The following MGAT5B variants were observed in gnomAD, a reference collection of about 807,000 sequenced individuals.
The protein encoded by MGAT5B is alpha-1,6-mannosylglycoprotein 6-beta-N-acetylglucosaminyltransferase B.
A neutral mutation model predicts 95.1 loss-of-function variants in MGAT5B; 54 were observed. That is an observed-to-expected ratio of 0.57 (90% CI 0.46 to 0.71). MGAT5B has a LOEUF of 0.71. Among genes scored for constraint, MGAT5B ranks in the 30% least tolerant of loss-of-function variants. The pLI, the probability that MGAT5B is intolerant of heterozygous loss-of-function variation, is 0.00. For missense variants in MGAT5B, 935 were observed against 1,088.6 expected (o/e 0.86, Z 1.99); for synonymous variants, 464 against 451.0 (o/e 1.03, Z -0.36).
Position 76,940,522 on chromosome 17 carries a change from TTC to T in MGAT5B, c.1706_1707del (p.Phe569SerfsTer37). ...PPHSSLNHEF[F>X]RGKPTSREVF... ...CCACAGCTCCCTCAACCACGAGTTC[TTC>T]CGAGGCAAGCCCACCTCCAGAGAGG... On this transcript the variant is annotated frameshift_variant, in exon 14 of 18. Coordinates refer to ENST00000569840, the MANE Select transcript of MGAT5B (RefSeq NM_001199172.2). LOFTEE classifies it high-confidence loss of function. This position sits in a 1 kb window ranked among gnomAD's most constrained non-coding sequence, Gnocchi z 4.3. 1 of 1,613,286 alleles carries T rather than the reference TTC, an allele frequency of 6.2e-7. No homozygotes were observed. The highest frequency in any genetic ancestry group is 8.5e-7 in the Non-Finnish European group (1 of 1,179,532).
intron 3 of MGAT5B, among the ~76,000 whole-genome samples, chr17:76,900,151 C>G (rs1432171849): frequency 6.6e-6 from 1 of 152,134 alleles, no homozygotes; most frequent in African/African-American, 2.4e-5. Flanking sequence ...TCATAGGGGT[C>G]TGAGCTTCCT....
chr17:76,907,555 C>G (rs1227981620), intron 8 of MGAT5B, among the ~76,000 whole-genome samples: 1 of 152,196 alleles, frequency 6.6e-6, no homozygotes, highest in Non-Finnish European at 1.5e-5. Context: ...CATTCATTTT[C>G]ACTGCTATAT....
intron 3 of MGAT5B, among the ~76,000 whole-genome samples, chr17:76,884,690 G>A (rs895361733): frequency 6.7e-6 from 1 of 150,050 alleles, no homozygotes; most frequent in Non-Finnish European, 1.5e-5. Context: ...TGCAAGCTCT[G>A]CCTCCCGGGT....
At chr17:76,888,563 C>G (rs567145921) in intron 3 of MGAT5B, among the ~76,000 whole-genome samples, 1 of 152,268 alleles carries the variant, frequency 6.6e-6, no homozygotes, top group East Asian at 1.9e-4. Flanking sequence ...TAATTGAATG[C>G]AACTCTCGTA....
intron 3 of MGAT5B, among the ~76,000 whole-genome samples, chr17:76,885,813 C>A (rs536665929): frequency 1.3e-5 from 2 of 152,194 alleles, no homozygotes; most frequent in Non-Finnish European, 2.9e-5. Context: ...CTGCCCCCTC[C>A]GCACCCTGAA....
chr17:76,877,687 A>G (rs932289254), intron 2 of MGAT5B, among the ~76,000 whole-genome samples: 8 of 152,192 alleles, frequency 5.3e-5, no homozygotes, highest in African/African-American at 1.4e-4. Context: ...GTGAGCGAGT[A>G]CAGAGAGATA....
In MGAT5B at chr17:76,909,500, G is replaced by A. The variant is rs72887762; in HGVS notation, c.1025+3313G>A. ...AGCCTGCCTACTCTCTTGCTGGTCT[G>A]ATTGGCCTTCTCTCCACTAATGCTA... On this transcript the variant is annotated intron_variant, in intron 8 of 17. Transcript: ENST00000569840. Among the ~76,000 whole-genome samples, 651 of 152,318 alleles carry A rather than the reference G, an allele frequency of 4.3e-3. 3 individuals are homozygous for A. The highest frequency in any genetic ancestry group is 3.9e-3 in the Non-Finnish European group (266 of 68,036).
intron 8 of MGAT5B, among the ~76,000 whole-genome samples, chr17:76,920,588 G>A (rs1448534684): frequency 3.3e-5 from 5 of 152,296 alleles, no homozygotes; most frequent in Non-Finnish European, 5.9e-5. Flanking sequence ...CAATGAGGCC[G>A]CTGCAGACAC....
At chr17:76,941,236 A>T (rs1184075662) in intron 15 of MGAT5B, among the ~76,000 whole-genome samples, 2 of 152,280 alleles carry the variant, frequency 1.3e-5, no homozygotes, top group African/African-American at 4.8e-5. Context: ...GCCTTTACAC[A>T]GCACATTTCA....
chr17:76,918,446 T>C lies in MGAT5B; in HGVS notation c.1026-6520T>C, dbSNP rs540114010. ...GGGCAGGGCCATCCCAGTGACTGCG[T>C]AAAGCAACTCTGGGCTGCTTCTGTT... is the stretch of plus-strand genomic sequence containing the variant. On this transcript the variant is annotated intron_variant, in intron 8 of 17. Transcript: ENST00000569840. The surrounding 1 kb of genome is among the most constrained non-coding windows in gnomAD (Gnocchi z 5.1). Among the ~76,000 whole-genome samples, 323 of 152,346 alleles carry C rather than the reference T, an allele frequency of 2.1e-3. 1 individual carries two copies. Among genetic ancestry groups the C allele is most frequent in the African/African-American group, 7.5e-3 (312 of 41,592 alleles).
At chr17:76,924,829 C>A in intron 8 of MGAT5B, 137 bp from the exon 9 acceptor site, 1 of 1,131,388 alleles carries the variant, frequency 8.8e-7, no homozygotes, top group Non-Finnish European at 1.3e-6. Flanking sequence ...ACAGGGCCAT[C>A]CTGCTCACTT....
In MGAT5B at chr17:76,924,882, T is replaced by A. The variant is rs564724711; in HGVS notation, c.1026-84T>A. ...GCTAAGCTCTCTGCACTTGTACAGT[T>A]CATTCTGGGCTCTAAGGAACTGGGG... is the stretch of plus-strand genomic sequence containing the variant. On this transcript the variant is annotated intron_variant, in intron 8 of 17. Transcript: ENST00000569840. 6 of 1,529,102 alleles carry A rather than the reference T, an allele frequency of 3.9e-6. No homozygotes were observed. In the African/African-American group the frequency reaches 6.8e-5, roughly 17 times the overall value. The allele number at this position is 1,529,102 out of a possible 1,614,324, so 94.7% of individuals were successfully genotyped here.
Position 76,940,880 on chromosome 17 carries a change from C to A in MGAT5B, c.1848+32C>A, listed in dbSNP as rs767298877. 6.6e-6 allele frequency: 10 copies of A among 1,503,798 alleles called. No homozygotes were observed. The South Asian group carries it at 9.0e-5, about 14-fold the overall frequency. 93.2% of individuals were successfully genotyped at this position (1,503,798 alleles called of 1,614,324 possible). A position where few individuals can be genotyped will look rare whatever the true frequency, so the allele number is the denominator to read the frequency against. On this transcript the variant is annotated intron_variant, in intron 15 of 17. Transcript: ENST00000569840. The surrounding 1 kb of genome is among the most constrained non-coding windows in gnomAD (Gnocchi z 4.3). ...GCAGCCACATACAGTTGAGACCCCC[C>A]ACTAGTCCACACTGCTGGTCTTCAC... is the stretch of plus-strand genomic sequence containing the variant.
chr17:76,939,772 T>G (rs1182209749), intron 13 of MGAT5B, among the ~76,000 whole-genome samples: 1 of 152,176 alleles, frequency 6.6e-6, no homozygotes, highest in East Asian at 1.9e-4. Flanking sequence ...GAATATGCGG[T>G]ATTTGGTTTC....
intron 2 of MGAT5B, among the ~76,000 whole-genome samples, chr17:76,880,915 C>G (rs2145131468): frequency 6.6e-6 from 1 of 152,342 alleles, no homozygotes; most frequent in Non-Finnish European, 1.5e-5. Context: ...GTCCCAGGCT[C>G]TGCTTCTGGG....
At chr17:76,884,444 T>G (rs1967546087) in intron 3 of MGAT5B, among the ~76,000 whole-genome samples, 1 of 151,920 alleles carries the variant, frequency 6.6e-6, no homozygotes. Context: ...TTTATTTATT[T>G]TTTTGAGATG....
rs1381830114 is a variant in MGAT5B, at chr17:76,869,716, G to C, written c.68+619G>C. On this transcript the variant is annotated intron_variant, in intron 1 of 17. Transcript: ENST00000569840. This position sits in a 1 kb window ranked among gnomAD's most constrained non-coding sequence, Gnocchi z 7.0. Reference sequence around the variant, plus strand: ...AGGCGTCGGAGAGGCGGGGGCAGGGGCGGCGCTGCAGGGCTACGGGGCGGC... The same window carrying C: ...AGGCGTCGGAGAGGCGGGGGCAGGGCCGGCGCTGCAGGGCTACGGGGCGGC... Among the ~76,000 whole-genome samples the C allele has an allele frequency of 6.6e-6, 1 of 152,230 alleles. No homozygotes were observed. The highest frequency in any genetic ancestry group is 2.4e-5 in the African/African-American group (1 of 41,466).
chr17:76,913,432 A>G (rs1204688283), intron 8 of MGAT5B, among the ~76,000 whole-genome samples: 1 of 152,208 alleles, frequency 6.6e-6, no homozygotes, highest in Non-Finnish European at 1.5e-5. Context: ...AGGGCGGAGG[A>G]TGCTGCTCTT....
chr17:76,917,636 G>A lies in MGAT5B; in HGVS notation c.1026-7330G>A, dbSNP rs730714. On this transcript the variant is annotated intron_variant, in intron 8 of 17. Transcript: ENST00000569840. This position sits in a 1 kb window ranked among gnomAD's most constrained non-coding sequence, Gnocchi z 6.1. ...ATGCAGGGGCTGCGTCTTAGCTTTTGGCCCTCATCTCCCACTGAGACTGCT... is the reference window on the plus strand; with the variant it reads ...ATGCAGGGGCTGCGTCTTAGCTTTTAGCCCTCATCTCCCACTGAGACTGCT... 0.2 allele frequency among the ~76,000 whole-genome samples: 30,734 copies of A among 151,924 alleles called. 3,485 individuals carry two copies. Among genetic ancestry groups the A allele is most frequent in the East Asian group, 0.38 (1,935 of 5,144 alleles).
Sources: allele counts gnomAD v4.1 joint callset (sites outside exome capture counted in the v4.1 genomes callset), GRCh38; gene constraint gnomAD v4.1.1; non-coding constraint Gnocchi (gnomAD v3.1); transcripts MANE v1.5; gene names NCBI Gene and HGNC (gene_info 2026-07-23, HGNC 2026-07-21).